RAPGEF3: variants seen among roughly 807,000 people sequenced by gnomAD.
RAPGEF3 encodes 9330170P05Rik.
RAPGEF3 carries 103 observed loss-of-function variants against 129.8 expected under a neutral mutation model. That is an observed-to-expected ratio of 0.79 (90% CI 0.68 to 0.93). The LOEUF is 0.93. Ranked by LOEUF, RAPGEF3 falls within the 40% of genes least tolerant of loss-of-function variation. The probability of loss-of-function intolerance (pLI) is 0.00; values close to 1 mark genes in which losing one functional copy is unlikely to be tolerated. For synonymous variants in RAPGEF3, 436 were observed against 482.6 expected (o/e 0.90, Z 1.26); for missense variants, 1,117 against 1,207.4 (o/e 0.93, Z 1.11).
At chr12:47,757,081 C>T (rs1021277571) in intron 2 of RAPGEF3, among the ~76,000 whole-genome samples, 1 of 152,132 alleles carries the variant, frequency 6.6e-6, no homozygotes, top group Non-Finnish European at 1.5e-5. Flanking sequence ...ATTGCTTGGG[C>T]CTAGGAGTTC....
rs1282828491 is a variant in RAPGEF3 at position 47,747,585 on chromosome 12, G to A, written c.1515C>T (p.Asn505=). 1 of 1,613,940 alleles carries A rather than the reference G, an allele frequency of 6.2e-7. No individual in the cohort carries two copies. Among genetic ancestry groups the A allele is most frequent in the Non-Finnish European group, 8.5e-7 (1 of 1,179,936 alleles). Residue 505 remains asparagine, a synonymous_variant, in exon 15 of 28, where the codon AAC becomes AAT. Transcript: ENST00000449771. Reference sequence around the variant, plus strand: ...TCTCTGGCCACTGCTCCCTCAGCAGGTTGCTGAGTCGGGTGTCCCTGCCCA... The same window carrying A: ...TCTCTGGCCACTGCTCCCTCAGCAGATTGCTGAGTCGGGTGTCCCTGCCCA... ...DLVGRDTRLS[N]LLREQWPERR...
Position 47,740,646 on chromosome 12 carries a change from C to CCG in RAPGEF3, c.2225_2226dup (p.Ala743ArgfsTer28). Reference sequence around the variant, plus strand: ...ACCCACTGGACAGGGACTCACTGGGCCGCCAGCTTAATGAACTTCCTGAGC... The same window carrying CCG: ...ACCCACTGGACAGGGACTCACTGGGCCGCGCCAGCTTAATGAACTTCCTGAGC... On this transcript the variant is annotated frameshift_variant, in exon 21 of 28. Coordinates refer to ENST00000449771, the MANE Select transcript of RAPGEF3 (RefSeq NM_001098531.4). LOFTEE classifies it high-confidence loss of function. 6.2e-7 allele frequency: 1 copy of CCG among 1,613,382 alleles called. No individual in the cohort carries two copies. Among genetic ancestry groups the CCG allele is most frequent in the East Asian group, 2.2e-5 (1 of 44,886 alleles).
At position 47,749,554 on chromosome 12, in the gene RAPGEF3, T is replaced by A. The variant is rs748988443; in HGVS notation, c.895-18A>T. ...ACCAGCCCCTGCAGCCAGGCCTCAG[T>A]CTCAGCCCGCCCCTGCCGCCCCTGC... On this transcript the variant is annotated intron_variant, in intron 9 of 27. Transcript: ENST00000449771. The surrounding 1 kb of genome is among the most constrained non-coding windows in gnomAD (Gnocchi z 4.5). 3.7e-6 allele frequency: 6 copies of A among 1,603,650 alleles called. No homozygotes were observed. The highest frequency in any genetic ancestry group is 1.3e-5 in the African/African-American group (1 of 74,578).
intron 16 of RAPGEF3, chr12:47,744,691 A>C (rs1200573413): frequency 1.3e-5 from 2 of 154,036 alleles, no homozygotes; most frequent in Middle Eastern, 3.4e-3. Flanking sequence ...CTGCCAGGCA[A>C]GTCTCCTGAC....
In RAPGEF3 at chr12:47,757,891, G is replaced by A. The variant is rs544361057; in HGVS notation, c.194C>T (p.Pro65Leu). 2.8e-5 allele frequency: 44 copies of A among 1,555,830 alleles called. 1 individual carries two copies. The highest frequency in any genetic ancestry group is 2.0e-4 in the South Asian group (17 of 84,408). Reference protein sequence around the residue: ...SYQLLLEHQRPSCIQGLRWTP... With the variant: ...SYQLLLEHQRLSCIQGLRWTP... ...CCAGCGCAGCCCCTGGATGCAGCTC[G>A]GACGCTGGTGCTCCAGCAGCAGCTG... The change falls in exon 2 of 28, where the codon CCG becomes CTG. Residue 65 changes from proline (P) to leucine (L), a missense_variant. This residue lies in a region of RAPGEF3 where 367 missense variants were observed against 373.4 expected (regional missense o/e 0.98). Coordinates refer to ENST00000449771, the MANE Select transcript of RAPGEF3 (RefSeq NM_001098531.4).
chr12:47,750,101 T>C (rs1941657768), intron 7 of RAPGEF3, 111 bp from the exon 8 acceptor site: 2 of 1,315,872 alleles, frequency 1.5e-6, no homozygotes, highest in South Asian at 1.2e-5. Flanking sequence ...GGGACAAAGA[T>C]GTGGCCAGGT....
rs772572242 is a variant in RAPGEF3, at chr12:47,751,452, C to T, written c.449G>A (p.Ser150Asn). 3 of 1,614,214 alleles carry T rather than the reference C, an allele frequency of 1.9e-6. No individual in the cohort carries two copies. The South Asian group carries it at 3.3e-5, about 18-fold the overall frequency. The change falls in exon 5 of 28, where the codon AGC becomes AAC. Residue 150 changes from serine to asparagine, a missense_variant. Around this residue, in one of 3 missense-constraint regions of RAPGEF3, gnomAD observed 367 missense variants for 373.4 expected, o/e 0.98. Coordinates refer to ENST00000449771, the MANE Select transcript of RAPGEF3 (RefSeq NM_001098531.4). ...CACCTGGCAGATTCCCACAACTTGG[C>T]TCCGGGAATGGACCCCAAGTCCCAG... ...LALGLGVHSR[S>N]QVVGICQVLL...
Position 47,758,864 on chromosome 12 carries a change from T to C in RAPGEF3, c.-308A>G, listed in dbSNP as rs1404019843. ...GAAGGAGCCAGCTGGCACCGGGCGC[T>C]GAAGCAAGGCTGCGCTGGCACCGGT... On this transcript the variant is annotated 5_prime_UTR_variant, in exon 1 of 28. Transcript: ENST00000449771. 3.4e-6 allele frequency: 4 copies of C among 1,170,906 alleles called. No homozygotes were observed. In the East Asian group the frequency reaches 1.6e-4, roughly 48 times the overall value. 72.5% of individuals were successfully genotyped at this position (1,170,906 alleles called of 1,614,324 possible). A position where few individuals can be genotyped will look rare whatever the true frequency, so the allele number is the denominator to read the frequency against.
Position 47,738,743 on chromosome 12 carries a change from T to C in RAPGEF3, c.2473A>G (p.Ile825Val). The change falls in exon 25 of 28, where the codon ATT becomes GTT. Residue 825 changes from isoleucine (I) to valine (V), a missense_variant. By Grantham distance (29) the Ile-to-Val change is conservative (BLOSUM62 3). This residue lies in a region of RAPGEF3 where 643 missense variants were observed against 673.4 expected (regional missense o/e 0.95). Coordinates refer to ENST00000449771, the MANE Select transcript of RAPGEF3 (RefSeq NM_001098531.4). ...MPLLLKDMTFIHEGNHTLVEN... is the reference protein window; with the variant it reads ...MPLLLKDMTFVHEGNHTLVEN... ...ACTAGTGTGTGGTTTCCCTCATGAA[T>C]GAAGGTCATGTCTGCAAAGAGATGG... is the stretch of plus-strand genomic sequence containing the variant. The C allele has an allele frequency of 2.5e-6, 4 of 1,609,736 alleles. No homozygotes were observed. The highest frequency in any genetic ancestry group is 3.4e-6 in the Non-Finnish European group (4 of 1,176,002).
intron 19 of RAPGEF3, 181 bp downstream of exon 19, chr12:47,741,324 C>T (rs2136747232): frequency 1.5e-6 from 1 of 687,618 alleles, no homozygotes; most frequent in Non-Finnish European, 2.5e-6. Flanking sequence ...AGCCCCTGCC[C>T]TGCACTATCT....
At chr12:47,758,530 C>A in intron 1 of RAPGEF3, 21 bp downstream of exon 1, 1 of 1,613,758 alleles carries the variant, frequency 6.2e-7, no homozygotes. Flanking sequence ...TCCTCCTCAA[C>A]CCTGACCCCA....
At chr12:47,741,753 G>C in intron 18 of RAPGEF3, 151 bp from the exon 19 acceptor site, 1 of 648,996 alleles carries the variant, frequency 1.5e-6, no homozygotes. Flanking sequence ...GAATACACAG[G>C]TGCATGTGCC....
Position 47,737,482 on chromosome 12 carries a change from T to G in RAPGEF3, c.*85A>C. 1 of 1,244,624 alleles carries G rather than the reference T, an allele frequency of 8.0e-7. No homozygotes were observed. The highest frequency in any genetic ancestry group is 1.1e-6 in the Non-Finnish European group (1 of 878,080). The allele number at this position is 1,244,624 out of a possible 1,614,324, so 77.1% of individuals were successfully genotyped here. A position where few individuals can be genotyped will look rare whatever the true frequency, so the allele number is the denominator to read the frequency against. On this transcript the variant is annotated 3_prime_UTR_variant, in exon 28 of 28. Transcript: ENST00000449771. ...CTCCACGGAGAGCCTTGCCCAGCTG[T>G]GGCCAGCCTGTGAGTATCTTGGCCC... is the stretch of plus-strand genomic sequence containing the variant.
intron 13 of RAPGEF3, 77 bp downstream of exon 13, chr12:47,747,997 C>G (rs999885951): frequency 1.9e-6 from 3 of 1,555,834 alleles, no homozygotes; most frequent in Non-Finnish European, 2.6e-6. Flanking sequence ...AGCACAGCCA[C>G]GCTGGTGAGA....
chr12:47,742,109 T>C (rs1433604485), intron 18 of RAPGEF3: 1 of 152,864 alleles, frequency 6.5e-6, no homozygotes, highest in Non-Finnish European at 1.5e-5. Flanking sequence ...AGATCATCCA[T>C]GTGCCTGGGG....
intron 2 of RAPGEF3, among the ~76,000 whole-genome samples, chr12:47,754,788 G>A: frequency 6.6e-6 from 1 of 152,164 alleles, no homozygotes; most frequent in Middle Eastern, 3.2e-3. Flanking sequence ...TCTCAGTTGG[G>A]AAGAAGCAGC....
rs758885473 is a variant in RAPGEF3 at position 47,740,374 on chromosome 12, G to C, written c.2253C>G (p.Leu751=). The part of the protein sequence containing the change: ...LAAHLKEQKN[L]NSFFAVMFGL... Reference sequence around the variant, plus strand: ...CAAACATGACGGCAAAGAAGGAATTGAGATTCTTCTGCTCCTTGAGGCTGT... The same window carrying C: ...CAAACATGACGGCAAAGAAGGAATTCAGATTCTTCTGCTCCTTGAGGCTGT... Residue 751 remains leucine (L), a synonymous_variant, in exon 22 of 28, where the codon CTC becomes CTG. Coordinates refer to ENST00000449771, the MANE Select transcript of RAPGEF3 (RefSeq NM_001098531.4). The C allele has an allele frequency of 4.3e-6, 7 of 1,613,924 alleles. No homozygotes were observed. In the East Asian group the frequency reaches 1.6e-4, roughly 36 times the overall value.
chr12:47,738,302 C>T (rs1940923967), intron 25 of RAPGEF3, 55 bp from the exon 26 acceptor site: 2 of 1,602,314 alleles, frequency 1.2e-6, no homozygotes, highest in Non-Finnish European at 1.7e-6. Flanking sequence ...CCTGTCCTGC[C>T]CTGTGCAGCA....
At position 47,749,435 on chromosome 12, in the gene RAPGEF3, A is replaced by T; in HGVS notation, c.996T>A (p.Cys332Ter). Reference sequence around the variant, plus strand: ...CCTGCTTGTCCACACGCAGGAAATGACAGTTGTCTTCTCGCAGGATGATGG... The same window carrying T: ...CCTGCTTGTCCACACGCAGGAAATGTCAGTTGTCTTCTCGCAGGATGATGG... ...AATIILREDN[C>*]HFLRVDKQDF... Residue 332 changes from cysteine (C) to a stop codon, truncating the protein, a stop_gained, in exon 10 of 28, where the codon TGT (cysteine) becomes TGA (stop). Transcript: ENST00000449771. LOFTEE classifies it high-confidence loss of function. The surrounding 1 kb of genome is among the most constrained non-coding windows in gnomAD (Gnocchi z 4.5). 2.5e-6 allele frequency: 4 copies of T among 1,613,360 alleles called. No individual in the cohort carries two copies. The highest frequency in any genetic ancestry group is 3.4e-6 in the Non-Finnish European group (4 of 1,180,004).
Sources: gnomAD v4.1 joint callset for allele counts (sites outside exome capture counted in the v4.1 genomes callset) on GRCh38, gnomAD v4.1.1 for gene constraint, gnomAD v4.1.1 regional missense constraint, Gnocchi (gnomAD v3.1) non-coding constraint, MANE v1.5 for transcripts, NCBI Gene and HGNC (gene_info 2026-07-23, HGNC 2026-07-21) for gene names.